Variants in CHLSN observed in about 807,000 individuals in gnomAD.
The protein encoded by CHLSN is protein cholesin.
the CHLSN span, among the ~76,000 whole-genome samples, chr7:1,007,253 A>C: frequency 6.6e-6 from 1 of 152,242 alleles, no homozygotes; most frequent in Non-Finnish European, 1.5e-5. Context: ...CCTCGTGGAA[A>C]GCCCATAAGA....
At chr7:1,022,473 A>G in the CHLSN span, among the ~76,000 whole-genome samples, 9 of 152,214 alleles carry the variant, frequency 5.9e-5, no homozygotes, top group Non-Finnish European at 1.2e-4. Flanking sequence ...TTTCTGAGAA[A>G]CAAGAGTTTT....
At chr7:1,111,489 T>G in the CHLSN span, among the ~76,000 whole-genome samples, 1 of 152,194 alleles carries the variant, frequency 6.6e-6, no homozygotes, top group East Asian at 1.9e-4. Flanking sequence ...GGCCTGCTGT[T>G]TGTCGTTTTG....
At chr7:1,048,438 T>A in the CHLSN span, among the ~76,000 whole-genome samples, 48 of 151,964 alleles carry the variant, frequency 3.2e-4, no homozygotes, top group African/African-American at 9.2e-4. Context: ...TCTCTCTCTC[T>A]CACACACACA....
chr7:1,024,833 A>G, the CHLSN span: 4 of 152,024 alleles, frequency 2.6e-5, no homozygotes, highest in African/African-American at 9.7e-5. Flanking sequence ...CTTGATGCAC[A>G]CTCCACCATT....
chr7:1,127,022 A>G, the CHLSN span, among the ~76,000 whole-genome samples: 2 of 152,074 alleles, frequency 1.3e-5, 1 homozygote, highest in South Asian at 4.1e-4. Flanking sequence ...CAGCACCCAA[A>G]ACAGCAGTTT....
chr7:1,105,647 C>A, the CHLSN span, among the ~76,000 whole-genome samples: 2 of 151,726 alleles, frequency 1.3e-5, no homozygotes, highest in East Asian at 3.9e-4. Context: ...CGAAGTCTCA[C>A]TCTGTCGCCC....
the CHLSN span, among the ~76,000 whole-genome samples, chr7:1,085,830 C>T: frequency 1.3e-5 from 2 of 149,432 alleles, no homozygotes; most frequent in South Asian, 4.2e-4. Flanking sequence ...AAAATCCTGT[C>T]TCAAAAAAAA....
At chr7:1,062,524 A>C in the CHLSN span, among the ~76,000 whole-genome samples, 1 of 152,188 alleles carries the variant, frequency 6.6e-6, no homozygotes, top group Non-Finnish European at 1.5e-5. Context: ...TAGCAGAGGG[A>C]GTACCTTGGC....
At chr7:1,113,576 C>T in the CHLSN span, among the ~76,000 whole-genome samples, 3 of 152,206 alleles carry the variant, frequency 2.0e-5, no homozygotes, top group Non-Finnish European at 4.4e-5. Context: ...CGGATGGCAG[C>T]GCTGGGCAGG....
At chr7:1,117,424 G>A in the CHLSN span, among the ~76,000 whole-genome samples, 76 of 109,334 alleles carry the variant, frequency 7.0e-4, no homozygotes, top group Non-Finnish European at 1.0e-3. Flanking sequence ...GCAGTTCTAC[G>A]GACCGGCTTC....
At chr7:991,065 G>A in the CHLSN span, among the ~76,000 whole-genome samples, 5 of 149,558 alleles carry the variant, frequency 3.3e-5, no homozygotes, top group South Asian at 2.2e-4. Context: ...TCGGGCCCCC[G>A]CCTTACATTG....
At chr7:985,424 G>C in the CHLSN span, 351 of 1,312,872 alleles carry the variant, frequency 2.7e-4, 2 homozygotes, top group South Asian at 4.3e-3. Context: ...TCAGCTTCTC[G>C]GCCCTCCCAC....
chr7:978,150 A>G, the CHLSN span, among the ~76,000 whole-genome samples: 1 of 152,124 alleles, frequency 6.6e-6, no homozygotes, highest in Non-Finnish European at 1.5e-5. Context: ...CTGGCAAATG[A>G]TTATTGCTTT....
the CHLSN span, among the ~76,000 whole-genome samples, chr7:1,055,011 G>A: frequency 1.3e-5 from 2 of 152,144 alleles, no homozygotes; most frequent in Non-Finnish European, 2.9e-5. Flanking sequence ...GCGGCTGCAT[G>A]GACCTGGACA....
chr7:1,055,316 C>T, the CHLSN span: 17 of 471,184 alleles, frequency 3.6e-5, no homozygotes, highest in Middle Eastern at 3.3e-4. Context: ...CTCACACGCA[C>T]GCGCAGGCGG....
the CHLSN span, chr7:989,068 C>T: frequency 1.7e-5 from 8 of 459,230 alleles, no homozygotes; most frequent in South Asian, 1.1e-4. Context: ...CCCCCAGGAG[C>T]GCCTCCAGGG....
the CHLSN span, chr7:1,093,141 C>T: frequency 3.1e-5 from 19 of 621,038 alleles, no homozygotes; most frequent in South Asian, 2.0e-4. Context: ...AGCTCCTCCC[C>T]GCCAACCCTG....
the CHLSN span, chr7:983,052 C>T: frequency 1.6e-6 from 1 of 608,182 alleles, no homozygotes; most frequent in Non-Finnish European, 2.5e-6. Flanking sequence ...AGGCCTGCAG[C>T]TTTAAGCCAT....
the CHLSN span, among the ~76,000 whole-genome samples, chr7:1,016,013 C>A: frequency 6.7e-6 from 1 of 150,322 alleles, no homozygotes; most frequent in South Asian, 2.1e-4. Flanking sequence ...CATGAGGATC[C>A]CAGACAAAAC....
Sources: gnomAD v4.1 joint callset for allele counts (sites outside exome capture counted in the v4.1 genomes callset) on GRCh38, gnomAD v4.1.1 for gene constraint, MANE v1.5 for transcripts, NCBI Gene and HGNC (gene_info 2026-07-23, HGNC 2026-07-21) for gene names.